The following CLDN18 variants were observed in gnomAD, a reference collection of about 807,000 sequenced individuals.
CLDN18 encodes claudin-18.
A neutral mutation model predicts 25.0 loss-of-function variants in CLDN18; 20 were observed. The ratio of observed to expected loss-of-function variants is 0.80; its 90% confidence interval spans 0.56 to 1.16. CLDN18 has a LOEUF of 1.16. Among genes scored for constraint, CLDN18 ranks in the 50% most tolerant of loss-of-function variants. The probability of loss-of-function intolerance (pLI) is 0.00; values close to 1 mark genes in which losing one functional copy is unlikely to be tolerated. For synonymous variants in CLDN18, 125 were observed against 135.6 expected (o/e 0.92, Z 0.54); for missense variants, 297 against 345.4 (o/e 0.86, Z 1.11).
chr3:138,029,105 T>C (rs1418475070), intron 3 of CLDN18, among the ~76,000 whole-genome samples: 1 of 152,220 alleles, frequency 6.6e-6, no homozygotes, highest in African/African-American at 2.4e-5. Flanking sequence ...CGTTGGCCCA[T>C]ACTGAGAACT....
intron 3 of CLDN18, 146 bp from the exon 4 acceptor site, chr3:138,029,651 C>T: frequency 1.7e-6 from 1 of 593,140 alleles, no homozygotes; most frequent in Non-Finnish European, 3.0e-6. Flanking sequence ...TGGCTGTGAC[C>T]CACAGGAATG....
chr3:138,001,513 C>T (rs1279920911), intron 1 of CLDN18, among the ~76,000 whole-genome samples: 1 of 152,120 alleles, frequency 6.6e-6, no homozygotes, highest in African/African-American at 2.4e-5. Flanking sequence ...TGAGCCACCG[C>T]GCCCGGCAAC....
chr3:138,027,093 C>A (rs541206645), intron 3 of CLDN18, among the ~76,000 whole-genome samples: 1 of 152,140 alleles, frequency 6.6e-6, no homozygotes, highest in Non-Finnish European at 1.5e-5. Flanking sequence ...GAGACTTCAC[C>A]CCACACACAC....
intron 1 of CLDN18, among the ~76,000 whole-genome samples, chr3:138,018,589 G>C (rs551622466): frequency 3.4e-3 from 522 of 152,186 alleles, no homozygotes; most frequent in Non-Finnish European, 6.2e-3. Context: ...GCCCGCCTCG[G>C]CCTCCCAAAG....
rs565892805 is a variant in CLDN18, at chr3:138,032,541, G to A, written c.*1400G>A. On this transcript the variant is annotated 3_prime_UTR_variant, in exon 5 of 5. Transcript: ENST00000183605. ...TAAATGTAATGTTTCCAAGTGACAG[G>A]TATCCACATTTGCATGGTTACAAGC... 6.6e-6 allele frequency: 1 copy of A among 152,212 alleles called. No homozygotes were observed. Among genetic ancestry groups the A allele is most frequent in the South Asian group, 2.1e-4 (1 of 4,824 alleles). The allele number at this position is 152,212 out of a possible 1,614,324, so 9.4% of individuals were successfully genotyped here.
chr3:138,026,219 G>A (rs986364702), intron 3 of CLDN18, among the ~76,000 whole-genome samples: 1 of 152,206 alleles, frequency 6.6e-6, no homozygotes, highest in African/African-American at 2.4e-5. Context: ...TTGCCGTGTT[G>A]TATGTAACAG....
chr3:138,014,903 G>A (rs938467053), intron 1 of CLDN18, among the ~76,000 whole-genome samples: 1 of 152,098 alleles, frequency 6.6e-6, no homozygotes, highest in African/African-American at 2.4e-5. Flanking sequence ...TGAGGTGGGA[G>A]GATTGCTTGA....
At chr3:138,001,151 T>C (rs1173537349) in intron 1 of CLDN18, among the ~76,000 whole-genome samples, 1 of 152,252 alleles carries the variant, frequency 6.6e-6, no homozygotes, top group Non-Finnish European at 1.5e-5. Flanking sequence ...CACTTGCAGA[T>C]GTAGCCAGAG....
intron 1 of CLDN18, among the ~76,000 whole-genome samples, chr3:138,013,137 A>G (rs376488305): frequency 6.6e-6 from 1 of 152,224 alleles, no homozygotes; most frequent in Non-Finnish European, 1.5e-5. Flanking sequence ...TATGCAAGCC[A>G]TTGAACTAAA....
upstream of CLDN18, among the ~76,000 whole-genome samples, chr3:138,007,087 T>G (rs73225482): frequency 6.1e-3 from 933 of 152,292 alleles, 8 homozygotes; most frequent in Non-Finnish European, 9.3e-3. Context: ...TGTATATGTA[T>G]TGTCGGGGGA....
chr3:138,010,527 C>A, intron 1 of CLDN18, 82 bp downstream of exon 1: 1 of 1,543,016 alleles, frequency 6.5e-7, no homozygotes. Context: ...CCCACTCCCA[C>A]CTCTGGGTGA....
In CLDN18 at chr3:138,010,438, ACTTCC is replaced by A; in HGVS notation, c.214_218del (p.Leu72SerfsTer73). Reference sequence around the variant, plus strand: ...GCAGGCCCTATTTCACCATCCTGGGACTTCCAGGTAGGCACCGTGCACCCCGGGGT... The same window carrying A: ...GCAGGCCCTATTTCACCATCCTGGGAAGGTAGGCACCGTGCACCCCGGGGT... On this transcript the variant is annotated frameshift_variant and splice_region_variant, in exon 1 of 5. Coordinates refer to ENST00000183605, the MANE Select transcript of CLDN18 (RefSeq NM_016369.4). LOFTEE classifies it high-confidence loss of function. 6.2e-7 allele frequency: 1 copy of A among 1,614,208 alleles called. No homozygotes were observed. The highest frequency in any genetic ancestry group is 8.5e-7 in the Non-Finnish European group (1 of 1,180,026).
intron 3 of CLDN18, among the ~76,000 whole-genome samples, chr3:138,028,807 C>T (rs189892901): frequency 8.5e-5 from 13 of 152,286 alleles, no homozygotes; most frequent in Admixed American, 7.8e-4. Flanking sequence ...CCCCCCTAGG[C>T]AAAGGGCACC....
rs761477030 is a variant in CLDN18 at position 137,998,929 on chromosome 3, A to G, written c.61A>G (p.Ile21Val). The G allele has an allele frequency of 2.5e-6, 4 of 1,614,242 alleles. No individual in the cohort carries two copies. The Admixed American group carries it at 6.7e-5, about 27-fold the overall frequency. ...GGTTTCACTGATTGGGATTGCGGGC[A>G]TCATTGCTGCCACCTGCATGGACCA... is the stretch of plus-strand genomic sequence containing the variant. Residue 21 changes from isoleucine to valine, a missense_variant, in exon 1 of 5, where the codon ATC (isoleucine) becomes GTC (valine). By Grantham distance (29) the Ile-to-Val change is conservative. Transcript: ENST00000343735.
Position 138,029,828 on chromosome 3 carries a change from T to G in CLDN18, c.535T>G (p.Trp179Gly). Residue 179 changes from tryptophan to glycine, a missense_variant, in exon 4 of 5, where the codon TGG becomes GGG. Trp to Gly is a radical substitution (Grantham distance 184, BLOSUM62 -2). Coordinates refer to ENST00000183605, the MANE Select transcript of CLDN18 (RefSeq NM_016369.4). ...YTFGAALFVG[W>G]VAGGLTLIGG... ...ATTTGGTGCGGCTCTGTTCGTGGGCTGGGTCGCTGGAGGCCTCACACTAAT... is the reference window on the plus strand; with the variant it reads ...ATTTGGTGCGGCTCTGTTCGTGGGCGGGGTCGCTGGAGGCCTCACACTAAT... 6.3e-7 allele frequency: 1 copy of G among 1,591,046 alleles called. No homozygotes were observed. The highest frequency in any genetic ancestry group is 1.2e-5 in the South Asian group (1 of 86,418).
chr3:138,018,258 AG>A (rs1418089052), intron 1 of CLDN18, among the ~76,000 whole-genome samples: 1 of 152,096 alleles, frequency 6.6e-6, no homozygotes, highest in Non-Finnish European at 1.5e-5. Flanking sequence ...CGCTCTTCAA[AG>A]ATAGTGCCTT....
intron 1 of CLDN18, 25 bp from the exon 2 acceptor site, chr3:138,023,633 T>G: frequency 6.2e-7 from 1 of 1,609,042 alleles, no homozygotes; most frequent in Non-Finnish European, 8.5e-7. Flanking sequence ...ATTTGTCTGC[T>G]TGTGTCTTGC....
At chr3:138,025,380 T>C (rs1942315076) in intron 3 of CLDN18, among the ~76,000 whole-genome samples, 2 of 152,212 alleles carry the variant, frequency 1.3e-5, no homozygotes, top group African/African-American at 4.8e-5. Context: ...CATATTCATT[T>C]AGTCACTTTA....
At chr3:138,012,389 C>G (rs1942144592) in intron 1 of CLDN18, among the ~76,000 whole-genome samples, 1 of 152,174 alleles carries the variant, frequency 6.6e-6, no homozygotes, top group South Asian at 2.1e-4. Flanking sequence ...TTCCCCATTC[C>G]CAGCTTAACT....
Sources: gnomAD v4.1 joint callset for allele counts (sites outside exome capture counted in the v4.1 genomes callset) on GRCh38, gnomAD v4.1.1 for gene constraint, MANE v1.5 for transcripts, NCBI Gene and HGNC (gene_info 2026-07-23, HGNC 2026-07-21) for gene names.